The following DNER variants were observed in gnomAD, a reference collection of about 807,000 sequenced individuals.
The protein encoded by DNER is delta and Notch-like epidermal growth factor-related receptor.
DNER carries 33 observed loss-of-function variants against 78.2 expected under a neutral mutation model. That is an observed-to-expected ratio of 0.42 (90% CI 0.32 to 0.56). The LOEUF (loss-of-function observed/expected upper bound fraction) is 0.56, where lower values mean the gene tolerates loss of function less well. DNER is among the 20% of genes least tolerant of loss of function. The probability of loss-of-function intolerance (pLI) is 0.11; values close to 1 mark genes in which losing one functional copy is unlikely to be tolerated. For missense variants in DNER, 918 were observed against 975.3 expected, an observed-to-expected ratio of 0.94 and a Z score of 0.78; for synonymous variants, 417 against 384.8, an observed-to-expected ratio of 1.08 and a Z score of -0.98.
chr2:229,529,122 C>G (rs982325647), intron 5 of DNER, among the ~76,000 whole-genome samples: 4 of 152,070 alleles, frequency 2.6e-5, no homozygotes, highest in African/African-American at 9.7e-5. Flanking sequence ...TTTATTTTAG[C>G]AACGTGAGAA....
chr2:229,377,634 T>A (rs1692637733), intron 11 of DNER, among the ~76,000 whole-genome samples: 1 of 152,236 alleles, frequency 6.6e-6, no homozygotes, highest in South Asian at 2.1e-4. Flanking sequence ...CCTGGATCAA[T>A]CTTCTTGATA....
intron 12 of DNER, among the ~76,000 whole-genome samples, chr2:229,362,106 T>A (rs979906392): frequency 6.6e-6 from 1 of 152,184 alleles, no homozygotes; most frequent in Non-Finnish European, 1.5e-5. Context: ...AATACCCTAA[T>A]GTGGTGGCTC....
intron 5 of DNER, among the ~76,000 whole-genome samples, chr2:229,515,931 C>T (rs1162662746): frequency 1.1e-4 from 16 of 152,252 alleles, no homozygotes; most frequent in African/African-American, 3.4e-4. Context: ...CATGAGCCAC[C>T]GCACCCAGCC....
At chr2:229,587,092 G>A (rs1697516322) in intron 3 of DNER, 2 of 699,914 alleles carry the variant, frequency 2.9e-6, no homozygotes, top group Non-Finnish European at 3.5e-6. Flanking sequence ...AAAAACAAAA[G>A]CATTTAACGA....
At chr2:229,449,321 A>G (rs1694403991) in intron 7 of DNER, among the ~76,000 whole-genome samples, 2 of 152,246 alleles carry the variant, frequency 1.3e-5, no homozygotes, top group Admixed American at 1.3e-4. Context: ...TGATTTCAAA[A>G]ATAGGATTTA....
At chr2:229,586,970 C>A in intron 3 of DNER, 1 of 985,404 alleles carries the variant, frequency 1.0e-6, no homozygotes, top group Non-Finnish European at 1.2e-6. Flanking sequence ...AATTCAGTGC[C>A]CTCAGGTCAT....
chr2:229,698,101 G>A (rs1304900875), intron 1 of DNER, among the ~76,000 whole-genome samples: 3 of 152,202 alleles, frequency 2.0e-5, no homozygotes, highest in African/African-American at 7.2e-5. Flanking sequence ...TTACTCGGGA[G>A]ACTGAGGTGG....
chr2:229,620,314 T>C (rs1311742122), intron 1 of DNER, among the ~76,000 whole-genome samples: 1 of 152,204 alleles, frequency 6.6e-6, no homozygotes, highest in African/African-American at 2.4e-5. Context: ...GATATCAAAA[T>C]TACCATTTAA....
At chr2:229,556,726 T>C (rs1696861161) in intron 4 of DNER, among the ~76,000 whole-genome samples, 1 of 152,250 alleles carries the variant, frequency 6.6e-6, no homozygotes, top group Admixed American at 6.5e-5. Context: ...TATTTGCTTA[T>C]TAAGACTGTA....
At chr2:229,373,070 G>A (rs948830208) in intron 11 of DNER, among the ~76,000 whole-genome samples, 3 of 152,118 alleles carry the variant, frequency 2.0e-5, no homozygotes, top group Admixed American at 2.0e-4. Flanking sequence ...ATCCTCAAAA[G>A]CAATCGCAAC....
At chr2:229,712,794 T>C (rs894418763) in intron 1 of DNER, among the ~76,000 whole-genome samples, 21 of 152,270 alleles carry the variant, frequency 1.4e-4, no homozygotes, top group Middle Eastern at 3.4e-3. Context: ...CTCCTCCTCA[T>C]CACCTCCCTT....
chr2:229,395,121 T>C (rs1297322613), intron 10 of DNER, among the ~76,000 whole-genome samples: 2 of 152,176 alleles, frequency 1.3e-5, no homozygotes, highest in African/African-American at 4.8e-5. Flanking sequence ...TTGCGTTACC[T>C]GATCTGTTTG....
chr2:229,496,926 G>A (rs984587724), intron 6 of DNER, among the ~76,000 whole-genome samples: 1 of 152,050 alleles, frequency 6.6e-6, no homozygotes, highest in African/African-American at 2.4e-5. Context: ...AAACACCAGA[G>A]CTGGACTGTA....
At chr2:229,461,877 C>T (rs1359969858) in intron 7 of DNER, among the ~76,000 whole-genome samples, 1 of 152,032 alleles carries the variant, frequency 6.6e-6, no homozygotes, top group Non-Finnish European at 1.5e-5. Flanking sequence ...GAAAACACAA[C>T]AGCTCCAGAG....
chr2:229,698,150 G>T (rs1699689185), intron 1 of DNER, among the ~76,000 whole-genome samples: 1 of 152,144 alleles, frequency 6.6e-6, no homozygotes, highest in Non-Finnish European at 1.5e-5. Flanking sequence ...GCTGCGGTGG[G>T]CTGTGATTGC....
chr2:229,564,324 T>TCA (rs1697051499), intron 4 of DNER, among the ~76,000 whole-genome samples: 1 of 32,588 alleles, frequency 3.1e-5, no homozygotes, highest in Non-Finnish European at 6.3e-5. Context: ...CATCATCATC[T>TCA]TCCTCACCCC....
chr2:229,449,067 T>C (rs1694398648), intron 7 of DNER, among the ~76,000 whole-genome samples: 3 of 152,190 alleles, frequency 2.0e-5, no homozygotes, highest in Admixed American at 1.3e-4. Context: ...TCCAAAAAAA[T>C]CCAATGCTAT....
intron 4 of DNER, among the ~76,000 whole-genome samples, chr2:229,550,045 T>C (rs1696701623): frequency 6.6e-6 from 1 of 151,880 alleles, no homozygotes; most frequent in African/African-American, 2.4e-5. Context: ...CAGACTGGAC[T>C]GCAGCGGCAT....
At chr2:229,422,567 G>T (rs1476726754) in intron 8 of DNER, among the ~76,000 whole-genome samples, 1 of 152,056 alleles carries the variant, frequency 6.6e-6, no homozygotes, top group Non-Finnish European at 1.5e-5. Flanking sequence ...TCACCAAGAG[G>T]TACCACCAAA....
Sources: gnomAD v4.1 joint callset for allele counts (sites outside exome capture counted in the v4.1 genomes callset) on GRCh38, gnomAD v4.1.1 for gene constraint, MANE v1.5 for transcripts, NCBI Gene and HGNC (gene_info 2026-07-23, HGNC 2026-07-21) for gene names.